The following ABAT variants were observed in gnomAD, a reference collection of about 807,000 sequenced individuals.
ABAT encodes 4-aminobutyrate aminotransferase, mitochondrial.
A neutral mutation model predicts 64.6 loss-of-function variants in ABAT; 45 were observed. That is an observed-to-expected ratio of 0.70 (90% CI 0.55 to 0.89). The LOEUF is 0.89. ABAT is among the 40% of genes least tolerant of loss of function. ABAT has a pLI of 0.00. For synonymous variants in ABAT, 297 were observed against 250.5 expected, an observed-to-expected ratio of 1.19 and a Z score of -1.75; for missense variants, 633 against 658.4, an observed-to-expected ratio of 0.96 and a Z score of 0.42.
intron 5 of ABAT, among the ~76,000 whole-genome samples, chr16:8,753,176 C>G (rs1445556931): frequency 6.6e-6 from 1 of 151,194 alleles, no homozygotes; most frequent in African/African-American, 2.4e-5. Context: ...TCACTGCAAG[C>G]TCTGCCTCCT....
chr16:8,727,727 T>C (rs1033576551), intron 1 of ABAT, among the ~76,000 whole-genome samples: 1 of 152,226 alleles, frequency 6.6e-6, no homozygotes, highest in Non-Finnish European at 1.5e-5. Context: ...CACTAAATTA[T>C]GAGCTTCAGA....
rs1451864400 is a variant in ABAT at position 8,732,511 on chromosome 16, CAT to C, written c.-41-3187_-41-3186del. Among the ~76,000 whole-genome samples the C allele has an allele frequency of 3.3e-5, 5 of 151,452 alleles. No individual in the cohort carries two copies. In the East Asian group the frequency reaches 9.6e-4, roughly 29 times the overall value. On this transcript the variant is annotated intron_variant, in intron 1 of 15. Coordinates refer to ENST00000268251, the MANE Select transcript of ABAT (RefSeq NM_020686.6). ...CATTTAACCCTGAGTGGACACAGCA[CAT>C]GTTTCAGAGAGCACGGGGTTGGGGG...
intron 1 of ABAT, chr16:8,714,919 C>A (rs1268717074): frequency 6.6e-6 from 1 of 152,558 alleles, no homozygotes; most frequent in African/African-American, 2.4e-5. Flanking sequence ...TCCCCCTTCC[C>A]CTACCCTGGC....
chr16:8,726,708 A>G (rs2058568232), intron 1 of ABAT, among the ~76,000 whole-genome samples: 2 of 152,210 alleles, frequency 1.3e-5, no homozygotes, highest in Admixed American at 1.3e-4. Context: ...GTATTTACCC[A>G]GCAGTGGGAT....
chr16:8,705,386 C>T (rs1360447115), intron 1 of ABAT: 1 of 152,128 alleles, frequency 6.6e-6, no homozygotes, highest in African/African-American at 2.4e-5. Context: ...CCCACCAGAT[C>T]CCTCCCTTGA....
intron 11 of ABAT, among the ~76,000 whole-genome samples, chr16:8,772,023 C>T (rs2060123944): frequency 6.6e-6 from 1 of 152,104 alleles, no homozygotes; most frequent in African/African-American, 2.4e-5. Context: ...CCTCAGCCAC[C>T]CAAAGTGCTG....
chr16:8,753,695 G>A (rs1291348658), intron 5 of ABAT, among the ~76,000 whole-genome samples: 4 of 152,188 alleles, frequency 2.6e-5, no homozygotes, highest in African/African-American at 7.2e-5. Context: ...AACCCAGAGT[G>A]TTCCTTTCTT....
intron 1 of ABAT, among the ~76,000 whole-genome samples, chr16:8,683,739 A>T (rs1358996241): frequency 6.6e-6 from 1 of 152,202 alleles, no homozygotes; most frequent in East Asian, 1.9e-4. Context: ...TCATCCAACC[A>T]GTGTTTATTG....
chr16:8,770,598 C>T (rs1217077725), intron 11 of ABAT, among the ~76,000 whole-genome samples: 2 of 152,098 alleles, frequency 1.3e-5, no homozygotes, highest in African/African-American at 4.8e-5. Flanking sequence ...GACACCACCA[C>T]ACCTGGCTAA....
chr16:8,709,715 G>T lies in ABAT; in HGVS notation c.-41-25984G>T, dbSNP rs536827917. On this transcript the variant is annotated intron_variant, in intron 1 of 15. Coordinates refer to ENST00000268251, the MANE Select transcript of ABAT (RefSeq NM_020686.6). ...AGTACAGGTCTAAAGACATGATATAGAAAGTAGGAATGGTTAAGGAGTGAG... is the reference window on the plus strand; with the variant it reads ...AGTACAGGTCTAAAGACATGATATATAAAGTAGGAATGGTTAAGGAGTGAG... 1.5e-4 allele frequency among the ~76,000 whole-genome samples: 23 copies of T among 152,236 alleles called. 1 individual carries two copies. The highest frequency in any genetic ancestry group is 5.5e-4 in the African/African-American group (23 of 41,530).
chr16:8,760,358 G>T (rs1053731997), intron 6 of ABAT: 4 of 152,256 alleles, frequency 2.6e-5, no homozygotes, highest in African/African-American at 9.6e-5. Flanking sequence ...ATCTAAGAAA[G>T]GCAGAAGGAA....
rs1025332923 is a variant in ABAT, at chr16:8,699,808, T to C, written c.-42+25097T>C. Reference sequence around the variant, plus strand: ...GCAGTGAATATTTCCTCTTCTCTTCTCTTCTCTCTCTTTCTCTTTCCCTCT... The same window carrying C: ...GCAGTGAATATTTCCTCTTCTCTTCCCTTCTCTCTCTTTCTCTTTCCCTCT... On this transcript the variant is annotated intron_variant, in intron 1 of 15. Transcript: ENST00000268251. Among the ~76,000 whole-genome samples, 6 of 151,400 alleles carry C rather than the reference T, an allele frequency of 4.0e-5. No individual in the cohort carries two copies. The South Asian group carries it at 1.3e-3, about 32-fold the overall frequency.
chr16:8,724,200 C>A lies in ABAT; in HGVS notation c.-41-11499C>A, dbSNP rs901063386. Among the ~76,000 whole-genome samples, 11 of 152,110 alleles carry A rather than the reference C, an allele frequency of 7.2e-5. No homozygotes were observed. In the East Asian group the frequency reaches 1.4e-3, roughly 19 times the overall value. On this transcript the variant is annotated intron_variant, in intron 1 of 15. Coordinates refer to ENST00000268251, the MANE Select transcript of ABAT (RefSeq NM_020686.6). ...CCACCTCCATGCACAACCCACATAT[C>A]TTAATTATCTATTATGGTGCACATA...
In ABAT at chr16:8,709,637, G is replaced by T. The variant is rs551450591; in HGVS notation, c.-41-26062G>T. Among the ~76,000 whole-genome samples the T allele has an allele frequency of 3.9e-5, 6 of 152,294 alleles. No individual in the cohort carries two copies. In the South Asian group the frequency reaches 1.2e-3, roughly 32 times the overall value. Reference sequence around the variant, plus strand: ...GATCCACCCGCCTTGGCTTCCCAAAGTGCTGGGATTACAGGCGTGAGCCAC... The same window carrying T: ...GATCCACCCGCCTTGGCTTCCCAAATTGCTGGGATTACAGGCGTGAGCCAC... On this transcript the variant is annotated intron_variant, in intron 1 of 15. Coordinates refer to ENST00000268251, the MANE Select transcript of ABAT (RefSeq NM_020686.6).
At chr16:8,694,943 C>G (rs1372989723) in intron 1 of ABAT, among the ~76,000 whole-genome samples, 1 of 152,240 alleles carries the variant, frequency 6.6e-6, no homozygotes, top group Non-Finnish European at 1.5e-5. Flanking sequence ...CGCCTACACT[C>G]TGCCTTCCCC....
At chr16:8,763,831 A>C (rs1267927819) in intron 6 of ABAT, among the ~76,000 whole-genome samples, 1 of 152,168 alleles carries the variant, frequency 6.6e-6, no homozygotes, top group African/African-American at 2.4e-5. Context: ...ATCCTATATA[A>C]CGCCAATGCA....
rs755959210 is a variant in ABAT at position 8,782,623 on chromosome 16, G to C, written c.*1193G>C. 1 of 152,300 alleles carries C rather than the reference G, an allele frequency of 6.6e-6. No individual in the cohort carries two copies. The highest frequency in any genetic ancestry group is 2.4e-5 in the African/African-American group (1 of 41,446). The allele number at this position is 152,300 out of a possible 1,614,324, so 9.4% of individuals were successfully genotyped here. On this transcript the variant is annotated 3_prime_UTR_variant, in exon 16 of 16. Coordinates refer to ENST00000268251, the MANE Select transcript of ABAT (RefSeq NM_020686.6). ...TTTTCCTGAGATGACTGAGTATGGA[G>C]ATTACCAGGCAGATGATACCGAAAT... is the stretch of plus-strand genomic sequence containing the variant.
At position 8,781,729 on chromosome 16, in the gene ABAT, C is replaced by G; in HGVS notation, c.*299C>G. 2.1e-6 allele frequency: 1 copy of G among 478,110 alleles called. No individual in the cohort carries two copies. The highest frequency in any genetic ancestry group is 2.1e-5 in the South Asian group (1 of 47,480). The allele number at this position is 478,110 out of a possible 1,614,324, so 29.6% of individuals were successfully genotyped here. A position where few individuals can be genotyped will look rare whatever the true frequency, so the allele number is the denominator to read the frequency against. The stretch of plus-strand genomic sequence containing the variant: ...GGTCCTGGCTAGAGTTCTGCCCAAC[C>G]TTGACCAACCCCAGCAATTTTTCCA... On this transcript the variant is annotated 3_prime_UTR_variant, in exon 16 of 16. Transcript: ENST00000268251. This position sits in a 1 kb window ranked among gnomAD's most constrained non-coding sequence, Gnocchi z 4.5.
At chr16:8,732,210 TTTG>T (rs1306321953) in intron 1 of ABAT, among the ~76,000 whole-genome samples, 748 of 2,388 alleles carry the variant, frequency 0.31, 48 homozygotes, top group African/African-American at 0.34. Context: ...TTTTTTTTTG[TTTG>T]TTTGTTTTTT....
Sources: gnomAD v4.1 joint callset for allele counts (sites outside exome capture counted in the v4.1 genomes callset) on GRCh38, gnomAD v4.1.1 for gene constraint, Gnocchi (gnomAD v3.1) non-coding constraint, MANE v1.5 for transcripts, NCBI Gene and HGNC (gene_info 2026-07-23, HGNC 2026-07-21) for gene names.